The following NOP14 variants were observed in gnomAD, a reference collection of about 807,000 sequenced individuals.
NOP14 encodes the protein nucleolar protein 14.
In NOP14, 57 loss-of-function variants were observed where a neutral mutation model predicts 101.6. The ratio of observed to expected loss-of-function variants is 0.56; its 90% CI spans 0.45 to 0.70. The LOEUF (loss-of-function observed/expected upper bound fraction) is 0.70, where lower values mean the gene tolerates loss of function less well. Ranked by LOEUF, NOP14 falls within the 30% of genes least tolerant of loss-of-function variation. The probability of loss-of-function intolerance (pLI) is 0.00; values close to 1 mark genes in which losing one functional copy is unlikely to be tolerated. For synonymous variants in NOP14, 428 were observed against 424.0 expected (o/e 1.01, Z -0.12); for missense variants, 1,134 against 1,075.5 (o/e 1.05, Z -0.76).
intron 7 of NOP14, chr4:2,950,524 G>T (rs1038387913): frequency 4.8e-6 from 2 of 420,502 alleles, no homozygotes; most frequent in Non-Finnish European, 4.3e-6. Flanking sequence ...GCTTTAGCAG[G>T]AGGAGTGTCT....
intron 15 of NOP14, 43 bp from the exon 16 acceptor site, chr4:2,939,688 T>C: frequency 6.9e-7 from 1 of 1,455,802 alleles, no homozygotes; most frequent in Non-Finnish European, 9.6e-7. Context: ...ACTCACCTGC[T>C]GCGTGCCCTG....
At chr4:2,941,936 G>A (rs950329935) in intron 14 of NOP14, 15 of 653,116 alleles carry the variant, frequency 2.3e-5, no homozygotes, top group South Asian at 4.2e-5. Context: ...TGTGGGAACC[G>A]CAGCGCCAGC....
In NOP14 at chr4:2,951,029, T is replaced by G. The variant is rs1037849239; in HGVS notation, c.1002+85A>C. ...TAAAAAGATTTAAAATTCCCAACTG[T>G]AATAAATCCCTAAAATGAATACCAA... On this transcript the variant is annotated intron_variant, in intron 7 of 17. Coordinates refer to ENST00000416614, the MANE Select transcript of NOP14 (RefSeq NM_001291978.2). 3 of 1,271,206 alleles carry G rather than the reference T, an allele frequency of 2.4e-6. No individual in the cohort carries two copies. The East Asian group carries it at 7.0e-5, about 30-fold the overall frequency. The allele number at this position is 1,271,206 out of a possible 1,614,324, so 78.7% of individuals were successfully genotyped here. A position where few individuals can be genotyped will look rare whatever the true frequency, so the allele number is the denominator to read the frequency against.
chr4:2,947,250 C>T (rs1714718566), intron 10 of NOP14: 1 of 496,020 alleles, frequency 2.0e-6, no homozygotes, highest in South Asian at 2.6e-5. Flanking sequence ...GCCACCCCAT[C>T]CCAGCCACAA....
intron 8 of NOP14, among the ~76,000 whole-genome samples, chr4:2,949,722 G>A (rs1257820604): frequency 2.0e-5 from 3 of 152,214 alleles, no homozygotes; most frequent in African/African-American, 7.2e-5. Context: ...GGCCCATCGG[G>A]GGCCGGCCTA....
At chr4:2,941,456 G>A (rs1336360264) in intron 15 of NOP14, 126 bp downstream of exon 15, 3 of 828,588 alleles carry the variant, frequency 3.6e-6, no homozygotes, top group Non-Finnish European at 3.8e-6. Flanking sequence ...CTTCATATTT[G>A]TGATTTTGCA....
intron 12 of NOP14, among the ~76,000 whole-genome samples, chr4:2,944,644 T>C (rs892549575): frequency 6.6e-6 from 1 of 152,158 alleles, no homozygotes; most frequent in Non-Finnish European, 1.5e-5. Flanking sequence ...CGACCTCAGG[T>C]GATCCGCCCG....
At chr4:2,953,757 C>T in intron 4 of NOP14, 112 bp from the exon 5 acceptor site, 4 of 1,182,966 alleles carry the variant, frequency 3.4e-6, no homozygotes, top group Non-Finnish European at 4.8e-6. Context: ...TGGCACCAAA[C>T]GTTTCAACAC....
chr4:2,954,795 C>T (rs769256403), intron 3 of NOP14, among the ~76,000 whole-genome samples: 7 of 152,098 alleles, frequency 4.6e-5, no homozygotes, highest in Admixed American at 1.3e-4. Flanking sequence ...CCCAACTGGC[C>T]GTAACCCAAG....
chr4:2,955,832 C>T (rs546801196), intron 3 of NOP14, among the ~76,000 whole-genome samples: 8 of 152,194 alleles, frequency 5.3e-5, no homozygotes, highest in East Asian at 3.9e-4. Context: ...CCGCAGATGG[C>T]GGGTTCTGCA....
At chr4:2,956,146 ATGT>A (rs776206773) in intron 3 of NOP14, among the ~76,000 whole-genome samples, 9 of 152,240 alleles carry the variant, frequency 5.9e-5, no homozygotes, top group Non-Finnish European at 1.2e-4. Context: ...TATCTGTTTC[ATGT>A]TGTTATCTAC....
chr4:2,950,890 G>A (rs1328123915), intron 7 of NOP14: 1 of 390,198 alleles, frequency 2.6e-6, no homozygotes, highest in Non-Finnish European at 4.5e-6. Context: ...GAGAGAGAGT[G>A]AGAAAGAGAG....
chr4:2,960,725 C>CATTGATATTAATATATTAATATAATT, intron 1 of NOP14, among the ~76,000 whole-genome samples: 1 of 109,004 alleles, frequency 9.2e-6, no homozygotes, highest in African/African-American at 3.8e-5. Flanking sequence ...ATATTATAAT[C>CATTGATATTAATATATTAATATAATT]ACATTAATAT....
At chr4:2,944,306 A>T in intron 12 of NOP14, 80 bp from the exon 13 acceptor site, 2 of 1,332,174 alleles carry the variant, frequency 1.5e-6, no homozygotes, top group Non-Finnish European at 2.1e-6. Flanking sequence ...TTCCCTGATG[A>T]ACCACGCACC....
intron 1 of NOP14, among the ~76,000 whole-genome samples, chr4:2,962,773 T>A (rs1716165865): frequency 6.6e-6 from 1 of 151,932 alleles, no homozygotes; most frequent in African/African-American, 2.4e-5. Context: ...AAACGCAGCA[T>A]CCTACACAGC....
intron 1 of NOP14, among the ~76,000 whole-genome samples, chr4:2,960,367 C>T (rs998350368): frequency 1.3e-5 from 2 of 152,008 alleles, no homozygotes; most frequent in African/African-American, 4.8e-5. Context: ...CATCAGCCAT[C>T]TCTGCCTCTA....
Position 2,938,569 on chromosome 4 carries a change from C to G in NOP14, c.*262G>C. 1 of 489,328 alleles carries G rather than the reference C, an allele frequency of 2.0e-6. No homozygotes were observed. Among genetic ancestry groups the G allele is most frequent in the Non-Finnish European group, 3.7e-6 (1 of 273,004 alleles). The allele number at this position is 489,328 out of a possible 1,614,324, so 30.3% of individuals were successfully genotyped here. ...TGTGGCCGAGGCTGGAGTGCAGTGG[C>G]TCAATCACGGCTCACTGTAACCTTG... On this transcript the variant is annotated 3_prime_UTR_variant, in exon 18 of 18. Coordinates refer to ENST00000416614, the MANE Select transcript of NOP14 (RefSeq NM_001291978.2).
intron 13 of NOP14, 44 bp from the exon 14 acceptor site, chr4:2,942,395 T>C: frequency 6.3e-7 from 1 of 1,586,374 alleles, no homozygotes; most frequent in Non-Finnish European, 8.6e-7. Context: ...TGAACATTAC[T>C]GGGCTCCCAG....
chr4:2,952,705 G>A (rs930695986), intron 5 of NOP14, among the ~76,000 whole-genome samples: 1 of 152,246 alleles, frequency 6.6e-6, no homozygotes, highest in Admixed American at 6.5e-5. Flanking sequence ...ACTTTGGGAG[G>A]CCAAGGTGGG....
Sources: gnomAD v4.1 joint callset for allele counts (sites outside exome capture counted in the v4.1 genomes callset) on GRCh38, gnomAD v4.1.1 for gene constraint, MANE v1.5 for transcripts, NCBI Gene and HGNC (gene_info 2026-07-23, HGNC 2026-07-21) for gene names.